Variants in TRAK1 observed in about 807,000 individuals in gnomAD.
TRAK1 encodes the protein trafficking kinesin-binding protein 1.
In TRAK1, 33 loss-of-function variants were observed where a neutral mutation model predicts 92.1. That is an observed-to-expected ratio of 0.36 (90% CI 0.27 to 0.48). TRAK1 has a LOEUF of 0.48. Among genes scored for constraint, TRAK1 ranks in the 20% least tolerant of loss-of-function variants. The pLI is 0.99. For synonymous variants in TRAK1, 521 were observed against 517.3 expected (o/e 1.01, Z -0.10); for missense variants, 1,123 against 1,257.9 (o/e 0.89, Z 1.62).
chr3:42,076,886 G>T (rs917757179), intron 1 of TRAK1, among the ~76,000 whole-genome samples: 3 of 152,100 alleles, frequency 2.0e-5, no homozygotes, highest in African/African-American at 7.2e-5. Flanking sequence ...ATTGAATAGG[G>T]AGTCCTTTCC....
At chr3:42,220,512 G>A (rs1156812573) in intron 15 of TRAK1, 8 of 985,298 alleles carry the variant, frequency 8.1e-6, no homozygotes, top group Non-Finnish European at 9.6e-6. Context: ...ATGTGAGGAG[G>A]ACGACGAAGC....
chr3:42,160,439 C>T (rs770220793), intron 2 of TRAK1: 5 of 1,614,212 alleles, frequency 3.1e-6, no homozygotes, highest in Non-Finnish European at 4.2e-6. Context: ...AGCCAACCCA[C>T]AGGCAGCATG....
At chr3:42,193,991 A>T in intron 9 of TRAK1, 93 bp downstream of exon 9, 3 of 1,112,644 alleles carry the variant, frequency 2.7e-6, no homozygotes, top group Non-Finnish European at 3.9e-6. Flanking sequence ...CATCGCAACT[A>T]CTGTTTTTAT....
chr3:42,034,117 A>G (rs1702243418), intron 1 of TRAK1, among the ~76,000 whole-genome samples: 1 of 152,028 alleles, frequency 6.6e-6, no homozygotes, highest in African/African-American at 2.4e-5. Context: ...TGCCCCATCC[A>G]TGTTCTGGCT....
rs369353067 is a variant in TRAK1 at position 42,106,005 on chromosome 3, A to T, written c.91+14445A>T. On this transcript the variant is annotated intron_variant, in intron 1 of 15. Coordinates refer to ENST00000327628, the MANE Select transcript of TRAK1 (RefSeq NM_001042646.3). ...GTCACCACCAGGCCTGCCTTACAAG[A>T]GCTCCTGAAGGAAGCACTAAACATG... Among the ~76,000 whole-genome samples, 51 of 152,336 alleles carry T rather than the reference A, an allele frequency of 3.3e-4. No individual in the cohort carries two copies. The East Asian group carries it at 8.9e-3, about 26-fold the overall frequency.
chr3:42,218,520 AT>A, intron 14 of TRAK1: 3 of 981,442 alleles, frequency 3.1e-6, no homozygotes, highest in Non-Finnish European at 3.6e-6. Flanking sequence ...TTTTTTTTTT[AT>A]TTTATTATTA....
chr3:42,106,741 TGTCAG>T (rs1242918954), intron 1 of TRAK1, among the ~76,000 whole-genome samples: 3 of 152,254 alleles, frequency 2.0e-5, no homozygotes, highest in Non-Finnish European at 4.4e-5. Context: ...ATCATTTTAC[TGTCAG>T]GGTATATTTG....
intron 1 of TRAK1, among the ~76,000 whole-genome samples, chr3:42,038,744 C>T (rs1212936866): frequency 2.0e-5 from 3 of 147,778 alleles, no homozygotes; most frequent in Non-Finnish European, 4.4e-5. Flanking sequence ...GGTGAGATTG[C>T]GCCATTGCAC....
Position 42,225,515 on chromosome 3 carries a change from G to A in TRAK1, c.*1778G>A, listed in dbSNP as rs1019955455. The A allele has an allele frequency of 6.6e-6, 1 of 152,190 alleles. No homozygotes were observed. The highest frequency in any genetic ancestry group is 1.5e-5 in the Non-Finnish European group (1 of 68,024). 9.4% of individuals were successfully genotyped at this position (152,190 alleles called of 1,614,324 possible). A position where few individuals can be genotyped will look rare whatever the true frequency, so the allele number is the denominator to read the frequency against. Reference sequence around the variant, plus strand: ...TTTTATTTGAATGTATTTTAAAGCAGTAGATAGAATAACAAAGGAATATGA... The same window carrying A: ...TTTTATTTGAATGTATTTTAAAGCAATAGATAGAATAACAAAGGAATATGA... On this transcript the variant is annotated 3_prime_UTR_variant, in exon 16 of 16. Coordinates refer to ENST00000327628, the MANE Select transcript of TRAK1 (RefSeq NM_001042646.3).
At chr3:42,023,757 T>G (rs1348804675) in intron 1 of TRAK1, among the ~76,000 whole-genome samples, 1 of 138,144 alleles carries the variant, frequency 7.2e-6, no homozygotes, top group Non-Finnish European at 1.6e-5. Context: ...TTTTTTTTTT[T>G]TTTTTTTTTT....
At chr3:42,184,374 C>T (rs1390844473) in intron 3 of TRAK1, among the ~76,000 whole-genome samples, 2 of 152,230 alleles carry the variant, frequency 1.3e-5, no homozygotes, top group African/African-American at 2.4e-5. Flanking sequence ...AGTGACTGCA[C>T]AAATATCAAA....
intron 10 of TRAK1, among the ~76,000 whole-genome samples, chr3:42,196,977 TTCTCTTTC>T (rs1443743260): frequency 9.9e-4 from 62 of 62,444 alleles, no homozygotes; most frequent in African/African-American, 3.1e-3. Context: ...CTCTCTCTCT[TTCTCTTTC>T]TCTCTCTCTC....
chr3:42,216,529 G>T (rs542714214), intron 14 of TRAK1, among the ~76,000 whole-genome samples: 25 of 152,184 alleles, frequency 1.6e-4, no homozygotes, highest in Non-Finnish European at 3.1e-4. Context: ...CCTCTGATGT[G>T]TCCACCTGTA....
intron 1 of TRAK1, among the ~76,000 whole-genome samples, chr3:42,038,208 C>A (rs1473970129): frequency 1.3e-5 from 2 of 152,240 alleles, no homozygotes; most frequent in Non-Finnish European, 2.9e-5. Context: ...CAGAAGTTTA[C>A]AGCATGGTGG....
intron 2 of TRAK1, among the ~76,000 whole-genome samples, chr3:42,160,895 C>G (rs1249123943): frequency 1.3e-5 from 2 of 151,972 alleles, no homozygotes; most frequent in Non-Finnish European, 2.9e-5. Flanking sequence ...GCATGGCATT[C>G]CAGCATTCTG....
intron 13 of TRAK1, chr3:42,203,276 T>C (rs1707905390): frequency 2.0e-6 from 2 of 1,004,294 alleles, no homozygotes; most frequent in South Asian, 4.7e-5. Context: ...TATAGCAAGG[T>C]TGTGGCTTTT....
chr3:42,138,435 T>C (rs1698226200), intron 2 of TRAK1, among the ~76,000 whole-genome samples: 1 of 152,196 alleles, frequency 6.6e-6, no homozygotes, highest in Admixed American at 6.5e-5. Context: ...TGCAAAGACA[T>C]ATTTTTAAAT....
chr3:42,015,032 G>A (rs1001633004), intron 1 of TRAK1, among the ~76,000 whole-genome samples: 1 of 152,152 alleles, frequency 6.6e-6, no homozygotes, highest in African/African-American at 2.4e-5. Context: ...CTCAGACTAA[G>A]CTCTGATTAG....
rs1017687007 is a variant in TRAK1, at chr3:42,194,834, T to A, written c.1006T>A (p.Cys336Ser). ...LRELEDKYAECMEMLHEAQEE... is the reference protein window; with the variant it reads ...LRELEDKYAESMEMLHEAQEE... The stretch of plus-strand genomic sequence containing the variant: ...TGAGCTGGAGGACAAGTACGCAGAG[T>A]GCATGGAGATGCTGCATGAGGCGCA... Residue 336 changes from cysteine (C) to serine (S), a missense_variant, in exon 10 of 16, where the codon TGC becomes AGC. Physicochemically the swap from Cys to Ser is moderately radical, Grantham distance 112. Transcript: ENST00000327628. The A allele has an allele frequency of 2.5e-6, 4 of 1,613,632 alleles. No individual in the cohort carries two copies. The African/African-American group carries it at 4.0e-5, about 16-fold the overall frequency.
Sources: allele counts gnomAD v4.1 joint callset (sites outside exome capture counted in the v4.1 genomes callset), GRCh38; gene constraint gnomAD v4.1.1; transcripts MANE v1.5; gene names NCBI Gene and HGNC (gene_info 2026-07-23, HGNC 2026-07-21).